Variants in CSMD1 observed in about 807,000 individuals in gnomAD.
CSMD1 encodes the protein CUB and Sushi multiple domains 1, also known as CUB and sushi domain-containing protein 1.
Under a neutral mutation model 417.5 loss-of-function variants are expected in CSMD1, and 213 were observed. The ratio of observed to expected loss-of-function variants is 0.51; its 90% CI spans 0.46 to 0.57. The LOEUF (loss-of-function observed/expected upper bound fraction) is 0.57. CSMD1 is among the 20% of genes least tolerant of loss of function. The pLI, the probability that CSMD1 is intolerant of heterozygous loss-of-function variation, is 0.00. For synonymous variants in CSMD1, 2,862 were observed against 1,736.8 expected (o/e 1.65, Z -16.11); for missense variants, 6,923 against 4,529.7 (o/e 1.53, Z -15.17).
At chr8:3,506,760 G>A (rs545179439) in intron 10 of CSMD1, among the ~76,000 whole-genome samples, 3 of 152,144 alleles carry the variant, frequency 2.0e-5, no homozygotes, top group Non-Finnish European at 2.9e-5. Flanking sequence ...ATTCAACAAG[G>A]TTGCTCATGG....
chr8:4,277,165 A>G (rs1009748107), intron 3 of CSMD1, among the ~76,000 whole-genome samples: 5 of 150,352 alleles, frequency 3.3e-5, no homozygotes, highest in Admixed American at 1.3e-4. Flanking sequence ...ATCCAACACT[A>G]TACATACATA....
At chr8:3,671,911 T>C (rs949131977) in intron 7 of CSMD1, among the ~76,000 whole-genome samples, 6 of 152,104 alleles carry the variant, frequency 3.9e-5, no homozygotes, top group African/African-American at 1.4e-4. Context: ...CTCTGTCCTG[T>C]GTCGTTAGCC....
chr8:4,107,117 A>G (rs1382451030), intron 3 of CSMD1, among the ~76,000 whole-genome samples: 4 of 152,200 alleles, frequency 2.6e-5, no homozygotes, highest in Admixed American at 2.6e-4. Context: ...AATGAGGACT[A>G]ACAACCAAGC....
chr8:4,966,432 A>G (rs911446322), intron 1 of CSMD1, among the ~76,000 whole-genome samples: 1 of 152,120 alleles, frequency 6.6e-6, no homozygotes, highest in African/African-American at 2.4e-5. Flanking sequence ...CGGTATTTGG[A>G]ACACATTTCC....
intron 48 of CSMD1, 76 bp from the exon 49 acceptor site, chr8:3,087,361 C>A: frequency 7.0e-7 from 1 of 1,432,330 alleles, no homozygotes. Flanking sequence ...TTGTGAGAGT[C>A]TATAAATGAA....
At chr8:3,653,049 T>A (rs1304721996) in intron 7 of CSMD1, among the ~76,000 whole-genome samples, 1 of 152,128 alleles carries the variant, frequency 6.6e-6, no homozygotes, top group East Asian at 1.9e-4. Flanking sequence ...ATGTTTTCTA[T>A]CAGAAAACAG....
chr8:4,278,796 A>T (rs949203269), intron 3 of CSMD1, among the ~76,000 whole-genome samples: 5 of 152,164 alleles, frequency 3.3e-5, no homozygotes, highest in Admixed American at 6.5e-5. Flanking sequence ...GAATGCTTTC[A>T]TTTGTGTTTA....
chr8:3,254,012 C>T (rs933954877), intron 26 of CSMD1, among the ~76,000 whole-genome samples: 12 of 152,148 alleles, frequency 7.9e-5, no homozygotes, highest in African/African-American at 2.9e-4. Flanking sequence ...GTGGCTGGTA[C>T]TAGTTGTTCC....
rs184774101 is a variant in CSMD1, at chr8:4,058,187, C to G, written c.416-26088G>C. Among the ~76,000 whole-genome samples the G allele has an allele frequency of 1.5e-3, 228 of 152,104 alleles. 2 individuals carry two copies. Among genetic ancestry groups the G allele is most frequent in the African/African-American group, 5.0e-3 (207 of 41,506 alleles). ...ATGAGCATGGAATGTTCTTCCATTT[C>G]TTTGTATCCTCTTTTATTTCATTGA... On this transcript the variant is annotated intron_variant, in intron 3 of 69. Transcript: ENST00000635120.
intron 2 of CSMD1, among the ~76,000 whole-genome samples, chr8:4,457,459 T>G (rs916384703): frequency 2.0e-5 from 3 of 152,086 alleles, no homozygotes; most frequent in Admixed American, 2.0e-4. Flanking sequence ...TTGAAAAGTC[T>G]TGCTTATTGG....
intron 29 of CSMD1, among the ~76,000 whole-genome samples, chr8:3,216,371 G>T (rs1797881300): frequency 6.6e-6 from 1 of 152,134 alleles, no homozygotes; most frequent in African/African-American, 2.4e-5. Context: ...CTAGTGAATA[G>T]AAGCATGGAC....
chr8:4,225,274 A>C (rs1275866373), intron 3 of CSMD1, among the ~76,000 whole-genome samples: 1 of 152,192 alleles, frequency 6.6e-6, no homozygotes, highest in Non-Finnish European at 1.5e-5. Context: ...AAATAGAAAA[A>C]AATATTATTT....
chr8:3,763,596 T>G (rs924450272), intron 5 of CSMD1, among the ~76,000 whole-genome samples: 3 of 152,190 alleles, frequency 2.0e-5, no homozygotes, highest in Non-Finnish European at 2.9e-5. Flanking sequence ...TGTGGAATTC[T>G]GAGCCAAATA....
chr8:3,945,000 G>GC (rs1295793081), intron 5 of CSMD1, among the ~76,000 whole-genome samples: 1 of 152,062 alleles, frequency 6.6e-6, no homozygotes, highest in Admixed American at 6.6e-5. Flanking sequence ...CGGTTCACCC[G>GC]CAAGTCAAAT....
At chr8:4,849,995 G>A (rs937121510) in intron 1 of CSMD1, among the ~76,000 whole-genome samples, 7 of 152,264 alleles carry the variant, frequency 4.6e-5, no homozygotes, top group South Asian at 2.1e-4. Context: ...CCCACCAGCA[G>A]CAGACATGCG....
At chr8:4,498,939 C>A (rs1210572926) in intron 2 of CSMD1, among the ~76,000 whole-genome samples, 1 of 151,888 alleles carries the variant, frequency 6.6e-6, no homozygotes, top group African/African-American at 2.4e-5. Context: ...ATACACATGG[C>A]CAGTGGTTCT....
chr8:3,347,935 A>C lies in CSMD1; in HGVS notation c.3474+57T>G, dbSNP rs1808121529. The C allele has an allele frequency of 7.4e-6, 9 of 1,210,358 alleles. No homozygotes were observed. In the Admixed American group the frequency reaches 1.1e-4, roughly 15 times the overall value. 75.0% of individuals were successfully genotyped at this position (1,210,358 alleles called of 1,614,324 possible). A position where few individuals can be genotyped will look rare whatever the true frequency, so the allele number is the denominator to read the frequency against. On this transcript the variant is annotated intron_variant, in intron 22 of 69. Coordinates refer to ENST00000635120, the MANE Select transcript of CSMD1 (RefSeq NM_033225.6). ...TCTATATGTAGAAAAATAGATAGAC[A>C]ATGTATTTTTTGAGAAGAAAACTTG...
chr8:4,768,566 T>C (rs1796438537), intron 1 of CSMD1, among the ~76,000 whole-genome samples: 1 of 152,190 alleles, frequency 6.6e-6, no homozygotes, highest in Non-Finnish European at 1.5e-5. Context: ...GAAAATGCTT[T>C]GGATTGCACG....
At chr8:3,551,922 C>T (rs530858581) in intron 10 of CSMD1, among the ~76,000 whole-genome samples, 10 of 152,054 alleles carry the variant, frequency 6.6e-5, no homozygotes, top group Non-Finnish European at 7.4e-5. Flanking sequence ...TCAGTCCAGA[C>T]GTGGTTTTAG....
Sources: gnomAD v4.1 joint callset for allele counts (sites outside exome capture counted in the v4.1 genomes callset) on GRCh38, gnomAD v4.1.1 for gene constraint, MANE v1.5 for transcripts, NCBI Gene and HGNC (gene_info 2026-07-23, HGNC 2026-07-21) for gene names.